The following LARS2 variants were observed in gnomAD, a reference collection of about 807,000 sequenced individuals.
LARS2 encodes leucine--tRNA ligase, mitochondrial.
In LARS2, 81 loss-of-function variants were observed where a neutral mutation model predicts 116.6. The observed-to-expected ratio is 0.69, with a 90% CI of 0.58 to 0.84. LARS2 has a LOEUF of 0.84. Among genes scored for constraint, LARS2 ranks in the 40% least tolerant of loss-of-function variants. The pLI, the probability that LARS2 is intolerant of heterozygous loss-of-function variation, is 0.00. For missense variants in LARS2, 968 were observed against 1,114.5 expected (o/e 0.87, Z 1.87); for synonymous variants, 396 against 407.2 (o/e 0.97, Z 0.33).
chr3:45,476,914 A>C (rs1176565115), intron 10 of LARS2, among the ~76,000 whole-genome samples: 2 of 152,182 alleles, frequency 1.3e-5, no homozygotes, highest in African/African-American at 4.8e-5. Context: ...CTTTTCTCCT[A>C]GTTATAAATT....
At chr3:45,451,502 G>A (rs1018947854) in intron 7 of LARS2, among the ~76,000 whole-genome samples, 2 of 152,162 alleles carry the variant, frequency 1.3e-5, no homozygotes, top group African/African-American at 4.8e-5. Context: ...TGTCAAAAAT[G>A]AGTTGACTGT....
At chr3:45,480,046 T>G (rs2125722354) in intron 10 of LARS2, among the ~76,000 whole-genome samples, 1 of 152,316 alleles carries the variant, frequency 6.6e-6, no homozygotes, top group East Asian at 1.9e-4. Context: ...TGTTTTGTCC[T>G]TGTCTCCATA....
chr3:45,511,775 T>C (rs938340605), intron 15 of LARS2, among the ~76,000 whole-genome samples: 2 of 134,352 alleles, frequency 1.5e-5, no homozygotes, highest in South Asian at 5.1e-4. Context: ...CTGCTGATTT[T>C]TTTTTTTTTT....
chr3:45,396,339 A>G (rs1698045324), intron 3 of LARS2, among the ~76,000 whole-genome samples: 3 of 152,248 alleles, frequency 2.0e-5, no homozygotes, highest in Admixed American at 2.0e-4. Context: ...GATCCAGGCC[A>G]CATCATTTAA....
intron 16 of LARS2, among the ~76,000 whole-genome samples, chr3:45,514,141 G>A (rs967373983): frequency 6.6e-6 from 1 of 152,098 alleles, no homozygotes; most frequent in African/African-American, 2.4e-5. Flanking sequence ...AGGAGGTGGA[G>A]GTTGCAGTGA....
chr3:45,502,239 C>T (rs779459417), intron 15 of LARS2, among the ~76,000 whole-genome samples: 10 of 151,730 alleles, frequency 6.6e-5, no homozygotes, highest in Non-Finnish European at 1.0e-4. Flanking sequence ...TTTTCTAGAT[C>T]GTTTCTCTTT....
At chr3:45,521,699 GA>G (rs1700457571) in intron 19 of LARS2, among the ~76,000 whole-genome samples, 3 of 150,970 alleles carry the variant, frequency 2.0e-5, no homozygotes, top group South Asian at 4.2e-4. Flanking sequence ...CATTTGTGGA[GA>G]AAAAAAAGTC....
chr3:45,546,296 A>G (rs139212940), intron 21 of LARS2, among the ~76,000 whole-genome samples: 12 of 152,298 alleles, frequency 7.9e-5, no homozygotes, highest in Non-Finnish European at 1.8e-4. Flanking sequence ...TGGCTCAGAA[A>G]CACCAGGGCA....
intron 17 of LARS2, 135 bp from the exon 18 acceptor site, chr3:45,517,768 G>A (rs1700391131): frequency 3.2e-6 from 2 of 632,376 alleles, no homozygotes; most frequent in Non-Finnish European, 5.4e-6. Flanking sequence ...CCTTCAGCCT[G>A]CCCTCAGAGG....
intron 8 of LARS2, among the ~76,000 whole-genome samples, chr3:45,473,917 C>G (rs921689371): frequency 1.3e-5 from 2 of 151,950 alleles, no homozygotes; most frequent in African/African-American, 4.8e-5. Flanking sequence ...TTTTTTAGTT[C>G]CTAGACTATG....
intron 4 of LARS2, 37 bp downstream of exon 4, chr3:45,400,410 C>A: frequency 6.4e-7 from 1 of 1,565,566 alleles, no homozygotes; most frequent in South Asian, 1.2e-5. Context: ...CCCTTGTCTG[C>A]CACACGCAGG....
At position 45,458,947 on chromosome 3, in the gene LARS2, G is replaced by T. The variant is rs750718459; in HGVS notation, c.750+61G>T. The T allele has an allele frequency of 2.6e-6, 4 of 1,559,312 alleles. 1 individual carries two copies. In the Admixed American group the frequency reaches 5.0e-5, roughly 20 times the overall value. On this transcript the variant is annotated intron_variant, in intron 8 of 21. Coordinates refer to ENST00000645846, the MANE Select transcript of LARS2 (RefSeq NM_015340.4). Reference sequence around the variant, plus strand: ...TACATGCTGGCAGGCAACACCAAAGGCTTCTGGGTATGAGAGAGCCTCACT... The same window carrying T: ...TACATGCTGGCAGGCAACACCAAAGTCTTCTGGGTATGAGAGAGCCTCACT...
chr3:45,459,526 G>A (rs1182112347), intron 8 of LARS2, among the ~76,000 whole-genome samples: 1 of 152,232 alleles, frequency 6.6e-6, no homozygotes, highest in East Asian at 1.9e-4. Context: ...GTTGGACCAA[G>A]CAGTCTTTAA....
At chr3:45,476,972 A>G (rs556187951) in intron 10 of LARS2, among the ~76,000 whole-genome samples, 18 of 152,250 alleles carry the variant, frequency 1.2e-4, no homozygotes, top group Non-Finnish European at 2.2e-4. Flanking sequence ...ATCTTCTCAT[A>G]ATTTATAATT....
chr3:45,455,312 C>A (rs1386109600), intron 7 of LARS2, among the ~76,000 whole-genome samples: 1 of 150,396 alleles, frequency 6.6e-6, no homozygotes, highest in Non-Finnish European at 1.5e-5. Flanking sequence ...GTATTCACTT[C>A]TTCCAAATCC....
intron 17 of LARS2, among the ~76,000 whole-genome samples, chr3:45,517,481 GCA>G (rs1700386006): frequency 6.6e-6 from 1 of 152,256 alleles, no homozygotes; most frequent in Admixed American, 6.5e-5. Flanking sequence ...GTGGCTGCAA[GCA>G]CAGTCATGCT....
chr3:45,433,168 T>G (rs549712021), intron 6 of LARS2, among the ~76,000 whole-genome samples: 22 of 152,208 alleles, frequency 1.4e-4, no homozygotes, highest in African/African-American at 4.8e-4. Flanking sequence ...GTGGGTTTTT[T>G]GTAAATTGAA....
chr3:45,444,772 T>C (rs982784352), intron 6 of LARS2, among the ~76,000 whole-genome samples: 2 of 150,712 alleles, frequency 1.3e-5, no homozygotes, highest in African/African-American at 4.8e-5. Flanking sequence ...TATTTGTATA[T>C]TTTATATATG....
chr3:45,516,275 A>G lies in LARS2; in HGVS notation c.2043A>G (p.Lys681=). ...AGAAGGATATCTTGTGGGATGTGAA[A>G]AGTAAGTCACCTTCCTCTTCCTGAC... The part of the protein sequence containing the change: ...PPEKDILWDV[K]TDALPGVLRW... The change falls in exon 17 of 22, where the codon AAA becomes AAG. Residue 681 remains lysine, a splice_region_variant and synonymous_variant. Coordinates refer to ENST00000645846, the MANE Select transcript of LARS2 (RefSeq NM_015340.4). 2.5e-6 allele frequency: 4 copies of G among 1,612,344 alleles called. No individual in the cohort carries two copies. Among genetic ancestry groups the G allele is most frequent in the Non-Finnish European group, 3.4e-6 (4 of 1,178,998 alleles).
Sources: allele counts gnomAD v4.1 joint callset (sites outside exome capture counted in the v4.1 genomes callset), GRCh38; gene constraint gnomAD v4.1.1; transcripts MANE v1.5; gene names NCBI Gene and HGNC (gene_info 2026-07-23, HGNC 2026-07-21).